Variants in ATM observed in about 807,000 individuals in gnomAD.
ATM encodes ATM serine/threonine kinase, also known as serine-protein kinase ATM.
In ATM, 308 loss-of-function variants were observed where a neutral mutation model predicts 387.0. The observed-to-expected ratio is 0.80, with a 90% CI of 0.73 to 0.87. The LOEUF (loss-of-function observed/expected upper bound fraction) is 0.87, where lower values mean the gene tolerates loss of function less well. Among genes scored for constraint, ATM ranks in the 40% least tolerant of loss-of-function variants. The probability of loss-of-function intolerance (pLI) is 0.00; values close to 1 mark genes in which losing one functional copy is unlikely to be tolerated. For synonymous variants in ATM, 1,156 were observed against 1,187.3 expected (o/e 0.97, Z 0.54); for missense variants, 3,312 against 3,560.9 (o/e 0.93, Z 1.78).
chr11:108,266,992 C>T (rs779754392), intron 16 of ATM, among the ~76,000 whole-genome samples, 179 bp from the exon 17 acceptor site: 8 of 152,012 alleles, frequency 5.3e-5, no homozygotes, highest in Non-Finnish European at 8.8e-5. Flanking sequence ...GACAAGGTTT[C>T]ACCATGTTGG....
At position 108,251,977 on chromosome 11, in the gene ATM, A is replaced by G. The variant is rs587780614; in HGVS notation, c.1748A>G (p.Tyr583Cys). ...TCAATAATGAAATGGCTCTTATTCT[A>G]TCAGTTAGAGGGTGACTTAGAAAAT... Reference protein sequence around the residue: ...KESIMKWLLFYQLEGDLENST... With the variant: ...KESIMKWLLFCQLEGDLENST... Residue 583 changes from tyrosine to cysteine, a missense_variant, in exon 11 of 63, where the codon TAT becomes TGT. Coordinates refer to ENST00000675843, the MANE Select transcript of ATM (RefSeq NM_000051.4). 37 of 1,613,628 alleles carry G rather than the reference A, an allele frequency of 2.3e-5. No individual in the cohort carries two copies. The highest frequency in any genetic ancestry group is 4.4e-5 in the South Asian group (4 of 91,078).
rs558132622 is a variant in ATM at position 108,328,622 on chromosome 11, A to G, written c.7090-399A>G. Among the ~76,000 whole-genome samples, 6 of 152,266 alleles carry G rather than the reference A, an allele frequency of 3.9e-5. 1 individual carries two copies. The South Asian group carries it at 1.2e-3, about 32-fold the overall frequency. ...AGTATTAGCTGTCTGGGTTATTTCT[A>G]CACTGTCAAAGTTGTTTTGAAAAGT... On this transcript the variant is annotated intron_variant, in intron 48 of 62. Transcript: ENST00000675843.
At chr11:108,277,206 G>A (rs1294093238) in intron 22 of ATM, among the ~76,000 whole-genome samples, 3 of 152,048 alleles carry the variant, frequency 2.0e-5, no homozygotes, top group South Asian at 2.1e-4. Context: ...AATTGCAGAC[G>A]CCCCTCCCCC....
At chr11:108,360,746 AC>A (rs2090631471) in intron 61 of ATM, among the ~76,000 whole-genome samples, 1 of 126,056 alleles carries the variant, frequency 7.9e-6, no homozygotes. Flanking sequence ...AAATTCAACA[AC>A]CCTTCATGCT....
intron 43 of ATM, among the ~76,000 whole-genome samples, chr11:108,318,662 C>T (rs1261357004): frequency 1.3e-5 from 2 of 152,046 alleles, no homozygotes; most frequent in African/African-American, 4.8e-5. Context: ...GCACCCCAGC[C>T]TGGGCGACAG....
At chr11:108,240,739 T>A (rs750297141) in intron 5 of ATM, among the ~76,000 whole-genome samples, 10 of 152,186 alleles carry the variant, frequency 6.6e-5, no homozygotes, top group Non-Finnish European at 4.4e-5. Flanking sequence ...GAAGTTGCTC[T>A]GGGTATGTAA....
intron 35 of ATM, among the ~76,000 whole-genome samples, chr11:108,302,462 A>T (rs1047744778): frequency 2.6e-5 from 4 of 152,134 alleles, no homozygotes; most frequent in Admixed American, 2.0e-4. Flanking sequence ...CTGTTAATGA[A>T]ACTAATAATA....
chr11:108,343,071 G>T, intron 56 of ATM, 151 bp from the exon 57 acceptor site: 1 of 969,316 alleles, frequency 1.0e-6, no homozygotes, highest in Non-Finnish European at 1.6e-6. Flanking sequence ...TTTCCGATTG[G>T]TTTCCTCCAA....
rs1591604769 is a variant in ATM at position 108,271,394 on chromosome 11, T to C, written c.3065T>C (p.Ile1022Thr). The change falls in exon 20 of 63, where the codon ATT becomes ACT. Residue 1022 changes from isoleucine to threonine, a missense_variant. Ile to Thr is a moderately conservative substitution (Grantham distance 89, BLOSUM62 -1). This residue lies in a region of ATM where 1,791 missense variants were observed against 1,804.5 expected (regional missense o/e 0.99). Transcript: ENST00000675843. ...RDAQGQFLTV[I>T]GAFWHLTKER... ...GCTCAAGGACAGTTTCTTACAGTAATTGGAGCATTTTGGTAGGTACAGTCT... is the reference window on the plus strand; with the variant it reads ...GCTCAAGGACAGTTTCTTACAGTAACTGGAGCATTTTGGTAGGTACAGTCT... The C allele has an allele frequency of 6.2e-7, 1 of 1,614,082 alleles. No homozygotes were observed. Among genetic ancestry groups the C allele is most frequent in the South Asian group, 1.1e-5 (1 of 91,076 alleles).
chr11:108,263,806 C>T (rs1397236034), intron 16 of ATM, among the ~76,000 whole-genome samples: 1 of 150,746 alleles, frequency 6.6e-6, no homozygotes, highest in Non-Finnish European at 1.5e-5. Context: ...GATATCACCA[C>T]CGATCCCACA....
chr11:108,335,915 G>GA lies in ATM; in HGVS notation c.8225dup (p.Asn2742LysfsTer5), dbSNP rs1162534390. 6.2e-7 allele frequency: 1 copy of GA among 1,613,894 alleles called. No homozygotes were observed. The highest frequency in any genetic ancestry group is 8.5e-7 in the Non-Finnish European group (1 of 1,179,946). On this transcript the variant is annotated frameshift_variant, in exon 56 of 63. Coordinates refer to ENST00000675843, the MANE Select transcript of ATM (RefSeq NM_000051.4). LOFTEE classifies it high-confidence loss of function. ...CAGATGTGTAATACATTACTGCAGA[G>GA]AAACACGGAAACTAGGAAGAGGAAA...
Position 108,307,259 on chromosome 11 carries a change from C to T in ATM, c.5675-638C>T, listed in dbSNP as rs4988057. On this transcript the variant is annotated intron_variant, in intron 37 of 62. Transcript: ENST00000675843. ...CTGCCCCTCAGGATCAAGCAATTCCCGTGCCTCAGCCTCCTGAATAGCTGG... is the reference window on the plus strand; with the variant it reads ...CTGCCCCTCAGGATCAAGCAATTCCTGTGCCTCAGCCTCCTGAATAGCTGG... Among the ~76,000 whole-genome samples the T allele has an allele frequency of 5.3e-3, 813 of 152,108 alleles. 8 individuals are homozygous for T. Among genetic ancestry groups the T allele is most frequent in the Non-Finnish European group, 9.1e-3 (622 of 67,990 alleles).
chr11:108,262,970 C>T (rs1356952996), intron 16 of ATM, among the ~76,000 whole-genome samples: 2 of 151,838 alleles, frequency 1.3e-5, no homozygotes, highest in Non-Finnish European at 2.9e-5. Context: ...ACAGGAGCAC[C>T]CAGATTCATA....
Position 108,271,094 on chromosome 11 carries a change from G to A in ATM, c.2869G>A (p.Glu957Lys), listed in dbSNP as rs2135547909. ...YLMLLKELPG[E>K]EYPLPMEDVL... ...AATGCTTTTAAAGGAGCTTCCTGGA[G>A]AAGAGTACCCCTTGCCAATGGAAGA... The change falls in exon 19 of 63, where the codon GAA becomes AAA. Residue 957 changes from glutamate to lysine, a missense_variant. Glu to Lys is a moderately conservative substitution (Grantham distance 56). This residue lies in a region of ATM where 1,791 missense variants were observed against 1,804.5 expected (regional missense o/e 0.99). Coordinates refer to ENST00000675843, the MANE Select transcript of ATM (RefSeq NM_000051.4). 1 of 1,614,054 alleles carries A rather than the reference G, an allele frequency of 6.2e-7. No homozygotes were observed. The highest frequency in any genetic ancestry group is 8.5e-7 in the Non-Finnish European group (1 of 1,180,010).
At position 108,250,976 on chromosome 11, in the gene ATM, A is replaced by G. The variant is rs56365018; in HGVS notation, c.1511A>G (p.Asn504Ser). ...AGTTCTGAGCAAATACAAGCTGAAA[A>G]CTTTGGCTTACTTGGAGCCATAATT... The part of the protein sequence containing the change: ...GISSEQIQAE[N>S]FGLLGAIIQG... Residue 504 changes from asparagine to serine, a missense_variant, in exon 10 of 63, where the codon AAC becomes AGC. Asn to Ser is a conservative substitution (Grantham distance 46, BLOSUM62 1). Transcript: ENST00000675843. 1.2e-5 allele frequency: 19 copies of G among 1,614,120 alleles called. No homozygotes were observed. In the East Asian group the frequency reaches 4.0e-4, roughly 34 times the overall value.
intron 61 of ATM, chr11:108,355,690 A>G (rs1187464209): frequency 2.0e-5 from 3 of 152,258 alleles, no homozygotes; most frequent in Non-Finnish European, 4.4e-5. Flanking sequence ...TTTAAAAAAC[A>G]TTGATGCTGA....
chr11:108,269,868 C>G (rs2081478026), intron 18 of ATM, among the ~76,000 whole-genome samples: 1 of 152,198 alleles, frequency 6.6e-6, no homozygotes, highest in South Asian at 2.1e-4. Flanking sequence ...GTTTGGGCCC[C>G]TGGTTTAGGT....
At chr11:108,241,670 C>T (rs1409624988) in intron 5 of ATM, among the ~76,000 whole-genome samples, 1 of 148,406 alleles carries the variant, frequency 6.7e-6, no homozygotes, top group African/African-American at 2.5e-5. Flanking sequence ...AGATTGCCTT[C>T]TTTCATTTAG....
At chr11:108,354,587 A>G (rs889435642) in intron 60 of ATM, among the ~76,000 whole-genome samples, 1 of 152,230 alleles carries the variant, frequency 6.6e-6, no homozygotes, top group Non-Finnish European at 1.5e-5. Context: ...GTGTTGTGTT[A>G]TTCTTGTAAA....
Sources: allele counts gnomAD v4.1 joint callset (sites outside exome capture counted in the v4.1 genomes callset), GRCh38; gene constraint gnomAD v4.1.1; regional missense constraint gnomAD v4.1.1; transcripts MANE v1.5; gene names NCBI Gene and HGNC (gene_info 2026-07-23, HGNC 2026-07-21).